Variants in WBP2NL observed in about 807,000 individuals in gnomAD.
WBP2NL encodes WBP2 N-terminal like, also known as postacrosomal sheath WW domain-binding protein.
In WBP2NL, 27 loss-of-function variants were observed where a neutral mutation model predicts 23.3. The observed-to-expected ratio is 1.16, with a 90% CI of 0.85 to 1.60. The LOEUF is 1.60. Among genes scored for constraint, WBP2NL ranks in the 40% most tolerant of loss-of-function variants. The pLI is 0.00. For synonymous variants in WBP2NL, 151 were observed against 145.9 expected, an observed-to-expected ratio of 1.03 and a Z score of -0.25; for missense variants, 370 against 389.5, an observed-to-expected ratio of 0.95 and a Z score of 0.42.
At chr22:42,010,832 C>G (rs1458591640) in intron 1 of WBP2NL, among the ~76,000 whole-genome samples, 4 of 152,222 alleles carry the variant, frequency 2.6e-5, no homozygotes, top group African/African-American at 7.2e-5. Context: ...GCCACCACGC[C>G]TGGCCAAAAA....
rs1357384250 is a variant in WBP2NL at position 42,019,779 on chromosome 22, G to A, written c.289G>A (p.Gly97Arg). ...AGTATTTGCTGCAAACTTCATTAAG[G>A]GAACTATTCAGGCAGCTCCATATGG... ...QPVFAANFIK[G>R]TIQAAPYGGW... The change falls in exon 3 of 6, where the codon GGA becomes AGA. Residue 97 changes from glycine to arginine, a missense_variant. Gly to Arg is a moderately radical substitution (Grantham distance 125). Transcript: ENST00000328823. 1 of 1,614,150 alleles carries A rather than the reference G, an allele frequency of 6.2e-7. No individual in the cohort carries two copies.
chr22:42,057,745 A>G (rs1355572299), intron 8 of WBP2NL, among the ~76,000 whole-genome samples: 2 of 149,736 alleles, frequency 1.3e-5, no homozygotes, highest in African/African-American at 4.9e-5. Context: ...TTTTTGAGAC[A>G]ACTGGCAAAA....
At chr22:42,044,289 T>A (rs1925502087) in intron 8 of WBP2NL, among the ~76,000 whole-genome samples, 2 of 152,118 alleles carry the variant, frequency 1.3e-5, no homozygotes. Flanking sequence ...TAGGCTGGTC[T>A]TGAACTCCTG....
intron 8 of WBP2NL, among the ~76,000 whole-genome samples, chr22:42,050,967 G>A (rs1925819524): frequency 6.6e-6 from 1 of 152,120 alleles, no homozygotes; most frequent in Non-Finnish European, 1.5e-5. Flanking sequence ...CTTACCATAT[G>A]TCCCAGCAAT....
intron 8 of WBP2NL, among the ~76,000 whole-genome samples, chr22:42,039,919 T>C (rs1179563686): frequency 6.6e-6 from 1 of 150,914 alleles, no homozygotes; most frequent in Non-Finnish European, 1.5e-5. Flanking sequence ...TTTTTTTTTT[T>C]TTTTTCCTCG....
At chr22:42,021,680 T>C (rs546511404) in intron 4 of WBP2NL, among the ~76,000 whole-genome samples, 5 of 152,280 alleles carry the variant, frequency 3.3e-5, no homozygotes, top group East Asian at 1.9e-4. Context: ...ATATCTGTTA[T>C]GATTAGGTGC....
chr22:42,027,944 G>A lies in WBP2NL; in HGVS notation c.*763G>A, dbSNP rs1924657698. ...AAACGTTTGAAAAGATGTTCAGCTT[G>A]ACTAGTGTTAGGGAAATGCAACCTG... On this transcript the variant is annotated 3_prime_UTR_variant, in exon 6 of 6. Transcript: ENST00000328823. The A allele has an allele frequency of 2.5e-6, 1 of 398,310 alleles. No homozygotes were observed. Among genetic ancestry groups the A allele is most frequent in the Non-Finnish European group, 4.4e-6 (1 of 226,004 alleles). 24.7% of individuals were successfully genotyped at this position (398,310 alleles called of 1,614,324 possible).
chr22:42,019,309 A>T lies in WBP2NL; in HGVS notation c.63-2A>T. 6.2e-7 allele frequency: 1 copy of T among 1,611,168 alleles called. No homozygotes were observed. Among genetic ancestry groups the T allele is most frequent in the Non-Finnish European group, 8.5e-7 (1 of 1,178,892 alleles). On this transcript the variant is annotated splice_acceptor_variant, in intron 1 of 5. Transcript: ENST00000328823. LOFTEE classifies it high-confidence loss of function. Reference sequence around the variant, plus strand: ...GTGCCGTCTGTTCCTCATTTTCTACAGTCTCTTGAAGCGGTCTCCGAATGT... The same window carrying T: ...GTGCCGTCTGTTCCTCATTTTCTACTGTCTCTTGAAGCGGTCTCCGAATGT...
chr22:42,022,340 A>G lies in WBP2NL; in HGVS notation c.498A>G (p.Pro166=). The change falls in exon 5 of 6, where the codon CCA becomes CCG. Residue 166 remains proline (P), a synonymous_variant. Coordinates refer to ENST00000328823, the MANE Select transcript of WBP2NL (RefSeq NM_152613.3). ...CTGGGGAAGGGAATATGTGCACTCCACAGATGCCTTGTTCAGGTAAGGTAT... is the reference window on the plus strand; with the variant it reads ...CTGGGGAAGGGAATATGTGCACTCCGCAGATGCCTTGTTCAGGTAAGGTAT... ...VITGEGNMCT[P]QMPCSVIVYG... The G allele has an allele frequency of 6.2e-7, 1 of 1,612,942 alleles. No individual in the cohort carries two copies. Among genetic ancestry groups the G allele is most frequent in the Admixed American group, 1.7e-5 (1 of 59,756 alleles).
Position 42,020,078 on chromosome 22 carries a change from G to A in WBP2NL, c.388G>A (p.Val130Met), listed in dbSNP as rs760660739. ...GDAIEFAQLMVKAASAAARGF... is the reference protein window; with the variant it reads ...GDAIEFAQLMMKAASAAARGF... Reference sequence around the variant, plus strand: ...TGCCATTGAATTTGCCCAGTTGATGGTGAAAGCTGCCTCTGCTGGTAAGTG... The same window carrying A: ...TGCCATTGAATTTGCCCAGTTGATGATGAAAGCTGCCTCTGCTGGTAAGTG... The change falls in exon 4 of 6, where the codon GTG becomes ATG. Residue 130 changes from valine to methionine, a missense_variant. By Grantham distance (21) the Val-to-Met change is conservative. Coordinates refer to ENST00000328823, the MANE Select transcript of WBP2NL (RefSeq NM_152613.3). 2 of 1,614,056 alleles carry A rather than the reference G, an allele frequency of 1.2e-6. No homozygotes were observed. The highest frequency in any genetic ancestry group is 1.7e-5 in the Admixed American group (1 of 60,018).
At chr22:42,022,569 A>T (rs543560970) in intron 5 of WBP2NL, among the ~76,000 whole-genome samples, 5 of 152,338 alleles carry the variant, frequency 3.3e-5, no homozygotes, top group African/African-American at 1.2e-4. Flanking sequence ...TTTTAATGAT[A>T]TATACAAACC....
At chr22:42,037,759 A>T (rs1401301940), downstream of WBP2NL, among the ~76,000 whole-genome samples, 3 of 150,870 alleles carry the variant, frequency 2.0e-5, no homozygotes, top group African/African-American at 2.5e-5. Context: ...ATGGAGTTTT[A>T]TATGTTGATT....
chr22:42,000,644 G>A (rs1428914931), intron 1 of WBP2NL, among the ~76,000 whole-genome samples: 1 of 152,054 alleles, frequency 6.6e-6, no homozygotes, highest in Non-Finnish European at 1.5e-5. Context: ...GAATGCTCAA[G>A]ATAGCCGGGC....
intron 8 of WBP2NL, among the ~76,000 whole-genome samples, chr22:42,042,982 T>C (rs1925450810): frequency 6.9e-6 from 1 of 145,632 alleles, no homozygotes; most frequent in Admixed American, 7.0e-5. Context: ...GGAGGATCCC[T>C]TGAGCCCAGG....
chr22:42,018,772 AG>A (rs1923584518), intron 1 of WBP2NL, among the ~76,000 whole-genome samples: 1 of 152,212 alleles, frequency 6.6e-6, no homozygotes, highest in African/African-American at 2.4e-5. Flanking sequence ...GACAAGAAAA[AG>A]AATCCAATGA....
At chr22:42,055,116 T>G (rs1386754807) in intron 8 of WBP2NL, among the ~76,000 whole-genome samples, 1 of 152,206 alleles carries the variant, frequency 6.6e-6, no homozygotes, top group African/African-American at 2.4e-5. Flanking sequence ...CTCAGCTCAC[T>G]GCAACCTCTG....
intron 8 of WBP2NL, among the ~76,000 whole-genome samples, chr22:42,056,503 T>C (rs890851060): frequency 9.9e-5 from 15 of 152,206 alleles, no homozygotes; most frequent in Non-Finnish European, 2.2e-4. Flanking sequence ...TTCAAGTTAC[T>C]AGTTTCCTTC....
intron 1 of WBP2NL, among the ~76,000 whole-genome samples, chr22:42,000,414 CCTTT>C (rs1384031162): frequency 6.6e-6 from 1 of 152,050 alleles, no homozygotes; most frequent in Non-Finnish European, 1.5e-5. Context: ...TGGTGTGAAG[CCTTT>C]CTTTTCTTTT....
At chr22:42,053,989 C>G (rs1925938134) in intron 8 of WBP2NL, among the ~76,000 whole-genome samples, 2 of 152,030 alleles carry the variant, frequency 1.3e-5, no homozygotes. Flanking sequence ...GAGACAAGGT[C>G]TTACTATGTT....
Sources: gnomAD v4.1 joint callset for allele counts (sites outside exome capture counted in the v4.1 genomes callset) on GRCh38, gnomAD v4.1.1 for gene constraint, MANE v1.5 for transcripts, NCBI Gene and HGNC (gene_info 2026-07-23, HGNC 2026-07-21) for gene names.